The following TBC1D10A variants were observed in gnomAD, a reference collection of about 807,000 sequenced individuals.
TBC1D10A encodes the protein TBC1 domain family member 10A.
A neutral mutation model predicts 52.9 loss-of-function variants in TBC1D10A; 24 were observed. That is an observed-to-expected ratio of 0.45 (90% CI 0.33 to 0.64). The LOEUF (loss-of-function observed/expected upper bound fraction) is 0.64, where lower values mean the gene tolerates loss of function less well. Ranked by LOEUF, TBC1D10A falls within the 30% of genes least tolerant of loss-of-function variation. The probability of loss-of-function intolerance (pLI) is 0.02; values close to 1 mark genes in which losing one functional copy is unlikely to be tolerated. For missense variants in TBC1D10A, 602 were observed against 687.9 expected, an observed-to-expected ratio of 0.88 and a Z score of 1.40; for synonymous variants, 278 against 282.9, an observed-to-expected ratio of 0.98 and a Z score of 0.17.
At chr22:30,304,453 CTGA>C in intron 2 of TBC1D10A, 75 bp downstream of exon 2, 1 of 1,597,208 alleles carries the variant, frequency 6.3e-7, no homozygotes, top group Non-Finnish European at 8.5e-7. Context: ...CTTTCCTAAG[CTGA>C]TGAAGTTCCT....
In TBC1D10A at chr22:30,294,869, C is replaced by T; in HGVS notation, c.640-8G>A. 6.2e-7 allele frequency: 1 copy of T among 1,614,134 alleles called. No individual in the cohort carries two copies. Among genetic ancestry groups the T allele is most frequent in the Non-Finnish European group, 8.5e-7 (1 of 1,180,038 alleles). On this transcript the variant is annotated splice_region_variant and splice_polypyrimidine_tract_variant and intron_variant, in intron 5 of 8. Coordinates refer to ENST00000215790, the MANE Select transcript of TBC1D10A (RefSeq NM_031937.3). ...CAGGCACCAGAAGGCTTGCTGTGGG[C>T]AAGAGAGATGTGAGGCCTTGCCGTT...
chr22:30,294,160 A>T (rs1930022398), intron 6 of TBC1D10A, 50 bp from the exon 7 acceptor site: 2 of 1,597,194 alleles, frequency 1.3e-6, no homozygotes, highest in Admixed American at 3.4e-5. Context: ...TGCAGGAGCC[A>T]GGGCAGAGAC....
intron 1 of TBC1D10A, among the ~76,000 whole-genome samples, chr22:30,315,502 ATCTGTCCACCTTGGCCTCCC>A (rs1930517339): frequency 6.6e-6 from 1 of 152,130 alleles, no homozygotes; most frequent in South Asian, 2.1e-4. Context: ...GACTGAAGTG[ATCTGTCCACCTTGGCCTCCC>A]AGAGTACTGG....
chr22:30,307,412 G>C (rs1470983808), intron 1 of TBC1D10A, among the ~76,000 whole-genome samples: 2 of 152,186 alleles, frequency 1.3e-5, no homozygotes, highest in African/African-American at 4.8e-5. Flanking sequence ...CTTACCTCCA[G>C]GTGAAGTCAC....
intron 1 of TBC1D10A, among the ~76,000 whole-genome samples, chr22:30,308,308 C>CTGCCTGCA (rs1239291146): frequency 2.4e-5 from 2 of 81,732 alleles, no homozygotes; most frequent in Admixed American, 1.2e-4. Flanking sequence ...GCATGCCTGC[C>CTGCCTGCA]TGCCTGCATG....
In TBC1D10A at chr22:30,304,553, C is replaced by A; in HGVS notation, c.287G>T (p.Trp96Leu). The A allele has an allele frequency of 1.2e-6, 2 of 1,614,126 alleles. No homozygotes were observed. The highest frequency in any genetic ancestry group is 1.7e-6 in the Non-Finnish European group (2 of 1,179,996). The change falls in exon 2 of 9, where the codon TGG becomes TTG. Residue 96 changes from tryptophan (W) to leucine (L), a missense_variant. By Grantham distance (61) the Trp-to-Leu change is moderately conservative. Coordinates refer to ENST00000215790, the MANE Select transcript of TBC1D10A (RefSeq NM_031937.3). ...CACCTTTTTGTGCTTCTTGGCCATC[C>A]ATTTGTCCCAGTTGTTGAGCATGTC... is the stretch of plus-strand genomic sequence containing the variant. Reference protein sequence around the residue: ...WLDMLNNWDKWMAKKHKKIRL... With the variant: ...WLDMLNNWDKLMAKKHKKIRL...
At chr22:30,312,069 G>C (rs1930436830) in intron 1 of TBC1D10A, among the ~76,000 whole-genome samples, 1 of 152,156 alleles carries the variant, frequency 6.6e-6, no homozygotes. Context: ...TTAGGATTAC[G>C]GGTATTAGTG....
At position 30,326,925 on chromosome 22, in the gene TBC1D10A, GC is replaced by G. The variant is rs1385744748; in HGVS notation, c.-45del. 2.9e-6 allele frequency: 4 copies of G among 1,386,988 alleles called. No homozygotes were observed. The highest frequency in any genetic ancestry group is 3.3e-5 in the Admixed American group (1 of 30,126). The allele number at this position is 1,386,988 out of a possible 1,614,324, so 85.9% of individuals were successfully genotyped here. On this transcript the variant is annotated 5_prime_UTR_variant, in exon 1 of 9. Coordinates refer to ENST00000215790, the MANE Select transcript of TBC1D10A (RefSeq NM_031937.3). Reference sequence around the variant, plus strand: ...CTGAGCTCCAGCGGCCACCTCAGCCGCCCTGCTGCCGCCGACGCCCCGCCCA... The same window carrying G: ...CTGAGCTCCAGCGGCCACCTCAGCCGCCTGCTGCCGCCGACGCCCCGCCCA...
chr22:30,307,396 G>A (rs1329458766), intron 1 of TBC1D10A, among the ~76,000 whole-genome samples: 1 of 152,188 alleles, frequency 6.6e-6, no homozygotes, highest in Non-Finnish European at 1.5e-5. Context: ...CCAGGGATGG[G>A]CCTTCCTTAC....
chr22:30,302,888 A>G (rs1930230964), intron 2 of TBC1D10A, among the ~76,000 whole-genome samples: 1 of 152,264 alleles, frequency 6.6e-6, no homozygotes, highest in African/African-American at 2.4e-5. Flanking sequence ...AGAGCAAGCT[A>G]CAGCTCACAG....
At chr22:30,317,535 T>A (rs1437368452) in intron 1 of TBC1D10A, among the ~76,000 whole-genome samples, 1 of 144,294 alleles carries the variant, frequency 6.9e-6, no homozygotes, top group Non-Finnish European at 1.5e-5. Flanking sequence ...AGTATTTGTT[T>A]ACACTATGCT....
At position 30,292,288 on chromosome 22, in the gene TBC1D10A, C is replaced by T. The variant is rs1929959303; in HGVS notation, c.*87G>A. ...AGCCCAGTGGCCAGGCAGCTTGGCCCTCAGAGGGTGGGCAGGATGTGGAAT... is the reference window on the plus strand; with the variant it reads ...AGCCCAGTGGCCAGGCAGCTTGGCCTTCAGAGGGTGGGCAGGATGTGGAAT... On this transcript the variant is annotated 3_prime_UTR_variant, in exon 9 of 9. Coordinates refer to ENST00000215790, the MANE Select transcript of TBC1D10A (RefSeq NM_031937.3). The T allele has an allele frequency of 1.5e-6, 2 of 1,295,488 alleles. No homozygotes were observed. The highest frequency in any genetic ancestry group is 1.5e-5 in the African/African-American group (1 of 66,522). 80.2% of individuals were successfully genotyped at this position (1,295,488 alleles called of 1,614,324 possible).
At chr22:30,323,500 A>AT (rs977527839) in intron 1 of TBC1D10A, among the ~76,000 whole-genome samples, 1 of 152,240 alleles carries the variant, frequency 6.6e-6, no homozygotes, top group African/African-American at 2.4e-5. Flanking sequence ...ACGAAAGGCC[A>AT]TATTTATGGA....
At chr22:30,292,999 G>A in intron 8 of TBC1D10A, 148 bp from the exon 9 acceptor site, 1 of 882,020 alleles carries the variant, frequency 1.1e-6, no homozygotes. Flanking sequence ...CTAGTCCCAA[G>A]CTGCAGTCAC....
chr22:30,295,975 G>A (rs1221814533), intron 3 of TBC1D10A, 132 bp from the exon 4 acceptor site: 3 of 755,426 alleles, frequency 4.0e-6, no homozygotes, highest in Admixed American at 2.8e-5. Context: ...ATCACAGACT[G>A]GGCCTTCCCA....
chr22:30,311,918 G>A (rs748200944), intron 1 of TBC1D10A, among the ~76,000 whole-genome samples: 1 of 152,080 alleles, frequency 6.6e-6, no homozygotes, highest in Non-Finnish European at 1.5e-5. Context: ...TCAGCCTCTC[G>A]AGTAGCTGGG....
At chr22:30,318,694 C>A in intron 1 of TBC1D10A, 1 of 471,226 alleles carries the variant, frequency 2.1e-6, no homozygotes, top group South Asian at 1.5e-5. Flanking sequence ...ATGAACCAAG[C>A]ACTAATGATT....
In TBC1D10A at chr22:30,299,590, C is replaced by T. The variant is rs763771143; in HGVS notation, c.310-39G>A. 3 of 1,598,714 alleles carry T rather than the reference C, an allele frequency of 1.9e-6. No homozygotes were observed. The African/African-American group carries it at 4.0e-5, about 21-fold the overall frequency. On this transcript the variant is annotated intron_variant, in intron 2 of 8. Transcript: ENST00000215790. ...GGACAGCTGAGCCCATGCAGCCACC[C>T]AGGCAGCTCCCCTAGCCCAGCCCCT...
intron 1 of TBC1D10A, among the ~76,000 whole-genome samples, chr22:30,325,898 G>T (rs1416082378): frequency 6.6e-6 from 1 of 152,168 alleles, no homozygotes; most frequent in Non-Finnish European, 1.5e-5. Context: ...GTGGCTGCTG[G>T]AGCTGATGGT....
Sources: gnomAD v4.1 joint callset for allele counts (sites outside exome capture counted in the v4.1 genomes callset) on GRCh38, gnomAD v4.1.1 for gene constraint, MANE v1.5 for transcripts, NCBI Gene and HGNC (gene_info 2026-07-23, HGNC 2026-07-21) for gene names.